TTPA: variants seen among roughly 807,000 people sequenced by gnomAD.
The protein encoded by TTPA is alpha-tocopherol transfer protein.
TTPA carries 23 observed loss-of-function variants against 25.9 expected under a neutral mutation model. That is an observed-to-expected ratio of 0.89 (90% CI 0.64 to 1.26). The LOEUF (loss-of-function observed/expected upper bound fraction) is 1.26. TTPA is among the 50% of genes most tolerant of loss of function. The pLI is 0.00. For synonymous variants in TTPA, 148 were observed against 137.3 expected (o/e 1.08, Z -0.54); for missense variants, 337 against 353.1 (o/e 0.95, Z 0.37).
intron 1 of TTPA, among the ~76,000 whole-genome samples, chr8:63,076,511 CT>C (rs1805564372): frequency 6.6e-6 from 1 of 152,156 alleles, no homozygotes; most frequent in Non-Finnish European, 1.5e-5. Context: ...CAGACAGAAA[CT>C]TGATTTCTAT....
At chr8:63,067,427 T>C (rs1805410041) in intron 2 of TTPA, among the ~76,000 whole-genome samples, 1 of 142,726 alleles carries the variant, frequency 7.0e-6, no homozygotes, top group Non-Finnish European at 1.5e-5. Flanking sequence ...ATCATAGCAA[T>C]AGAGAAAAGT....
chr8:63,069,885 G>A (rs1260736623), intron 2 of TTPA, among the ~76,000 whole-genome samples: 1 of 152,148 alleles, frequency 6.6e-6, no homozygotes, highest in African/African-American at 2.4e-5. Context: ...GCTCCATTGA[G>A]GCAAAAGAAA....
Position 63,061,324 on chromosome 8 carries a change from A to G in TTPA, c.765T>C (p.Ile255=), listed in dbSNP as rs1015621669. 1 of 1,613,892 alleles carries G rather than the reference A, an allele frequency of 6.2e-7. No homozygotes were observed. Among genetic ancestry groups the G allele is most frequent in the Non-Finnish European group, 8.5e-7 (1 of 1,179,894 alleles). Residue 255 remains isoleucine (I), a synonymous_variant, in exon 5 of 5, where the codon ATT becomes ATC. Coordinates refer to ENST00000260116, the MANE Select transcript of TTPA (RefSeq NM_000370.3). ...TTATAAAATTTGTCCATTCCTGACA[A>G]ATGTCCTCCATGGAGAATTCTTCAC... The part of the protein sequence containing the change: ...YGGEEFSMED[I]CQEWTNFIMK...
At chr8:63,066,416 T>A (rs528029279) in intron 2 of TTPA, among the ~76,000 whole-genome samples, 1 of 152,222 alleles carries the variant, frequency 6.6e-6, no homozygotes, top group Admixed American at 6.5e-5. Context: ...AGCTCAGAGA[T>A]GTTGGAAATG....
rs1191785754 is a variant in TTPA, at chr8:63,085,933, G to A, written c.89C>T (p.Ala30Val). ...AGCTTCCCGGGCCCGGCGCCGCAGC[G>A]CCGCCAGGCCCGGCTGCAGCAACGG... ...HSPLLQPGLA[A>V]LRRRAREAGV... The change falls in exon 1 of 5, where the codon GCG becomes GTG. Residue 30 changes from alanine to valine, a missense_variant. By Grantham distance (64) the Ala-to-Val change is moderately conservative. Coordinates refer to ENST00000260116, the MANE Select transcript of TTPA (RefSeq NM_000370.3). The A allele has an allele frequency of 9.9e-6, 15 of 1,518,800 alleles. No individual in the cohort carries two copies. The highest frequency in any genetic ancestry group is 1.3e-5 in the Non-Finnish European group (15 of 1,140,358). The allele number at this position is 1,518,800 out of a possible 1,614,324, so 94.1% of individuals were successfully genotyped here.
At chr8:63,076,403 G>A (rs74317147) in intron 1 of TTPA, among the ~76,000 whole-genome samples, 2,593 of 152,186 alleles carry the variant, frequency 0.017, 78 homozygotes, top group African/African-American at 0.06. Flanking sequence ...AGTTAGAGTT[G>A]AATTAAGTGC....
intron 2 of TTPA, 52 bp downstream of exon 2, chr8:63,072,883 C>T: frequency 6.2e-7 from 1 of 1,603,698 alleles, no homozygotes; most frequent in South Asian, 1.1e-5. Context: ...GGGGAGGGAA[C>T]ACAACTGAAC....
chr8:63,070,354 G>C (rs1211740649), intron 2 of TTPA, among the ~76,000 whole-genome samples: 1 of 152,150 alleles, frequency 6.6e-6, no homozygotes, highest in Non-Finnish European at 1.5e-5. Flanking sequence ...TTTTCTCATT[G>C]CTTTTACTGC....
chr8:63,069,736 G>GA (rs34342892), intron 2 of TTPA, among the ~76,000 whole-genome samples: 69,646 of 131,584 alleles, frequency 0.53, 17,222 homozygotes, highest in East Asian at 0.77. Context: ...CCCTAGCTTA[G>GA]AAAAAAAAAA....
At chr8:63,083,428 T>C (rs1284692581) in intron 1 of TTPA, among the ~76,000 whole-genome samples, 2 of 152,082 alleles carry the variant, frequency 1.3e-5, no homozygotes, top group Admixed American at 1.3e-4. Context: ...GAGGTGGGAA[T>C]TGAACAATGA....
At chr8:63,067,429 G>C (rs58323488) in intron 2 of TTPA, among the ~76,000 whole-genome samples, 3,826 of 146,022 alleles carry the variant, frequency 0.026, 166 homozygotes, top group African/African-American at 0.091. Flanking sequence ...CATAGCAATA[G>C]AGAAAAGTTC....
chr8:63,065,248 C>T (rs545896559), intron 3 of TTPA, among the ~76,000 whole-genome samples: 5 of 152,144 alleles, frequency 3.3e-5, no homozygotes, highest in Non-Finnish European at 7.4e-5. Flanking sequence ...CTGGAATTCT[C>T]ACTTCACTAC....
intron 1 of TTPA, among the ~76,000 whole-genome samples, chr8:63,080,448 A>G (rs1018806911): frequency 6.6e-6 from 1 of 152,208 alleles, no homozygotes; most frequent in Non-Finnish European, 1.5e-5. Context: ...AAGGCCGGGC[A>G]TGGTGGCTCA....
intron 1 of TTPA, among the ~76,000 whole-genome samples, chr8:63,078,599 T>G (rs1805610351): frequency 1.3e-5 from 2 of 151,844 alleles, no homozygotes; most frequent in Non-Finnish European, 2.9e-5. Flanking sequence ...TGATTAAAGA[T>G]CAAATTAATA....
At chr8:63,071,980 G>A (rs1805490283) in intron 2 of TTPA, among the ~76,000 whole-genome samples, 1 of 152,100 alleles carries the variant, frequency 6.6e-6, no homozygotes, top group African/African-American at 2.4e-5. Flanking sequence ...GAAAAAAAGG[G>A]GATGCAATGA....
intron 1 of TTPA, among the ~76,000 whole-genome samples, chr8:63,078,894 C>T (rs896331949): frequency 2.7e-4 from 41 of 152,160 alleles, no homozygotes; most frequent in Non-Finnish European, 3.7e-4. Context: ...GTCAGATTCA[C>T]CAAGGTTGAA....
At chr8:63,062,168 AG>A (rs571782537) in intron 4 of TTPA, among the ~76,000 whole-genome samples, 356 of 152,008 alleles carry the variant, frequency 2.3e-3, no homozygotes, top group Non-Finnish European at 3.9e-3. Context: ...GCACAAAGTG[AG>A]GCCCTGTCTA....
At chr8:63,072,817 T>C (rs933814900) in intron 2 of TTPA, 118 bp downstream of exon 2, 12 of 1,243,194 alleles carry the variant, frequency 9.7e-6, no homozygotes, top group Admixed American at 4.5e-5. Flanking sequence ...GATGAATGCA[T>C]TGAAGCTTTC....
intron 1 of TTPA, among the ~76,000 whole-genome samples, chr8:63,075,698 C>CAAAAAAAAAAAA (rs751066913): frequency 3.5e-5 from 2 of 56,988 alleles, no homozygotes; most frequent in Non-Finnish European, 3.7e-5. Flanking sequence ...GACTCCGTCT[C>CAAAAAAAAAAAA]AAAAAAAAAA....
Sources: gnomAD v4.1 joint callset for allele counts (sites outside exome capture counted in the v4.1 genomes callset) on GRCh38, gnomAD v4.1.1 for gene constraint, MANE v1.5 for transcripts, NCBI Gene and HGNC (gene_info 2026-07-23, HGNC 2026-07-21) for gene names.